COMMD10: variants seen among roughly 807,000 people sequenced by gnomAD.
COMMD10 encodes the protein COMM domain-containing protein 10.
A neutral mutation model predicts 28.9 loss-of-function variants in COMMD10; 33 were observed. The ratio of observed to expected loss-of-function variants is 1.14; its 90% CI spans 0.87 to 1.53. The LOEUF is 1.53. COMMD10 is among the 40% of genes most tolerant of loss of function. The probability of loss-of-function intolerance (pLI) is 0.00; values close to 1 mark genes in which losing one functional copy is unlikely to be tolerated. For missense variants in COMMD10, 310 were observed against 233.4 expected (o/e 1.33, Z -2.14); for synonymous variants, 110 against 81.7 (o/e 1.35, Z -1.87).
chr5:116,177,085 G>A (rs1163046695), intron 5 of COMMD10, among the ~76,000 whole-genome samples: 1 of 152,066 alleles, frequency 6.6e-6, no homozygotes, highest in Admixed American at 6.6e-5. Context: ...GGCTTGCAAA[G>A]GTAGTCACAG....
chr5:116,210,773 A>G (rs1748944230), intron 5 of COMMD10, among the ~76,000 whole-genome samples: 1 of 152,086 alleles, frequency 6.6e-6, no homozygotes, highest in Non-Finnish European at 1.5e-5. Context: ...ATCTTGTCCA[A>G]GTGTTTATAG....
chr5:116,290,085 G>T (rs188512622), intron 5 of COMMD10, among the ~76,000 whole-genome samples: 3 of 151,970 alleles, frequency 2.0e-5, no homozygotes, highest in Admixed American at 1.3e-4. Context: ...AGTTGTTTAC[G>T]TGCTGATTCA....
At chr5:116,253,333 G>A (rs1247367023) in intron 5 of COMMD10, among the ~76,000 whole-genome samples, 7 of 145,328 alleles carry the variant, frequency 4.8e-5, no homozygotes, top group African/African-American at 1.8e-4. Flanking sequence ...CCAACACTAT[G>A]TTGAATAGGA....
intron 4 of COMMD10, among the ~76,000 whole-genome samples, chr5:116,127,129 A>G (rs1751681928): frequency 6.6e-6 from 1 of 152,136 alleles, no homozygotes. Flanking sequence ...ATGAACAGAC[A>G]CTTCTCAAAA....
At chr5:116,218,297 G>A in intron 5 of COMMD10, 1 of 713,642 alleles carries the variant, frequency 1.4e-6, no homozygotes, top group East Asian at 2.8e-5. Context: ...CTTGGGCATG[G>A]TGGTGGCAGT....
At chr5:116,184,002 C>CT (rs1748058753) in intron 5 of COMMD10, among the ~76,000 whole-genome samples, 3 of 152,020 alleles carry the variant, frequency 2.0e-5, no homozygotes, top group Non-Finnish European at 2.9e-5. Context: ...ATCAGTCATC[C>CT]GTTAAGGGTT....
chr5:116,167,962 G>C (rs546803400), intron 5 of COMMD10, among the ~76,000 whole-genome samples: 1 of 152,120 alleles, frequency 6.6e-6, no homozygotes, highest in African/African-American at 2.4e-5. Context: ...ATAATAACAG[G>C]ATCAAATTCA....
At position 116,216,155 on chromosome 5, in the gene COMMD10, C is replaced by T. The variant is rs368677075; in HGVS notation, c.511-75362C>T. 1.2e-3 allele frequency among the ~76,000 whole-genome samples: 180 copies of T among 152,234 alleles called. 4 individuals carry two copies. The South Asian group carries it at 0.033, about 28-fold the overall frequency. ...GAACCCCAGTATCCAATATTTTTGC[C>T]TACATCTTTAACATTAAGGAAATCC... On this transcript the variant is annotated intron_variant, in intron 5 of 6. Transcript: ENST00000274458.
At chr5:116,157,094 A>T (rs1366690686) in intron 5 of COMMD10, among the ~76,000 whole-genome samples, 1 of 152,152 alleles carries the variant, frequency 6.6e-6, no homozygotes, top group Non-Finnish European at 1.5e-5. Context: ...GTTGCTACAT[A>T]TCAGAAGTTC....
chr5:116,235,436 C>A (rs1749634850), intron 5 of COMMD10, among the ~76,000 whole-genome samples: 1 of 152,106 alleles, frequency 6.6e-6, no homozygotes, highest in African/African-American at 2.4e-5. Context: ...TTTCCTGTTA[C>A]AATCCTGGGT....
intron 5 of COMMD10, among the ~76,000 whole-genome samples, chr5:116,224,145 T>A (rs1023811418): frequency 9.9e-5 from 15 of 152,280 alleles, no homozygotes; most frequent in Admixed American, 9.8e-4. Context: ...AGTTTAACTC[T>A]TAATCCTTTT....
At chr5:116,086,434 G>C (rs1404260237) in intron 1 of COMMD10, among the ~76,000 whole-genome samples, 1 of 150,996 alleles carries the variant, frequency 6.6e-6, no homozygotes, top group Non-Finnish European at 1.5e-5. Context: ...CCAGCACTTT[G>C]GGAGGCTGAG....
chr5:116,235,667 A>G (rs189816485), intron 5 of COMMD10, among the ~76,000 whole-genome samples: 258 of 152,286 alleles, frequency 1.7e-3, no homozygotes, highest in African/African-American at 5.8e-3. Flanking sequence ...AACCTTGAAG[A>G]CATTTCCTCC....
rs544447652 is a variant in COMMD10 at position 116,233,175 on chromosome 5, A to G, written c.511-58342A>G. On this transcript the variant is annotated intron_variant, in intron 5 of 6. Transcript: ENST00000274458. ...ACCTTTGGTTAACTGTGGTCTGAAAATAGGTGAGTACAGTACAATAAGATA... is the reference window on the plus strand; with the variant it reads ...ACCTTTGGTTAACTGTGGTCTGAAAGTAGGTGAGTACAGTACAATAAGATA... Among the ~76,000 whole-genome samples, 10 of 152,236 alleles carry G rather than the reference A, an allele frequency of 6.6e-5. No homozygotes were observed. In the South Asian group the frequency reaches 2.1e-3, roughly 32 times the overall value.
intron 4 of COMMD10, among the ~76,000 whole-genome samples, chr5:116,119,158 A>T (rs537714119): frequency 6.6e-6 from 1 of 152,242 alleles, no homozygotes; most frequent in South Asian, 2.1e-4. Flanking sequence ...ACTTCCCTCC[A>T]ACTTGAATAT....
chr5:116,127,578 A>G (rs1199903436), intron 4 of COMMD10, among the ~76,000 whole-genome samples: 2 of 152,246 alleles, frequency 1.3e-5, no homozygotes, highest in Non-Finnish European at 2.9e-5. Context: ...CATATACACC[A>G]TGGAATACTA....
intron 5 of COMMD10, among the ~76,000 whole-genome samples, chr5:116,192,754 C>T (rs1339622790): frequency 3.3e-5 from 5 of 152,130 alleles, no homozygotes; most frequent in Admixed American, 6.6e-5. Flanking sequence ...ATGGAATCAT[C>T]CAGGAAAACT....
intron 5 of COMMD10, among the ~76,000 whole-genome samples, chr5:116,145,641 T>G (rs969860479): frequency 2.0e-5 from 3 of 151,876 alleles, no homozygotes; most frequent in Admixed American, 2.0e-4. Context: ...GATCTCATCT[T>G]GAATTGCAAT....
intron 5 of COMMD10, among the ~76,000 whole-genome samples, chr5:116,144,988 C>T (rs559224779): frequency 7.2e-5 from 11 of 151,798 alleles, no homozygotes; most frequent in Admixed American, 4.6e-4. Flanking sequence ...AGAGCACAAA[C>T]GGAAAGGTAG....
Sources: gnomAD v4.1 joint callset for allele counts (sites outside exome capture counted in the v4.1 genomes callset) on GRCh38, gnomAD v4.1.1 for gene constraint, MANE v1.5 for transcripts, NCBI Gene and HGNC (gene_info 2026-07-23, HGNC 2026-07-21) for gene names.